DMRTC1: variants seen among roughly 807,000 people sequenced by gnomAD.
DMRTC1 encodes the protein doublesex- and mab-3-related transcription factor C1.
For missense variants in DMRTC1, 9 were observed against 34.6 expected (o/e 0.26, Z 1.86); for synonymous variants, 7 against 14.1 (o/e 0.50, Z 1.13).
In DMRTC1 at chrX:72,913,066, G is replaced by A. The variant is rs1235354799; in HGVS notation, c.-95+30509C>T. The stretch of plus-strand genomic sequence containing the variant: ...GGTCTTGGAGGAGCCGGTTCCAGAG[G>A]GCCCTGGCATGTTTCATCAAGTGCT... On this transcript the variant is annotated intron_variant, in intron 1 of 6. Transcript: ENST00000615063. 7 of 489,810 alleles carry A rather than the reference G, an allele frequency of 1.4e-5. 1 individual carries two copies. Among genetic ancestry groups the A allele is most frequent in the Admixed American group, 1.0e-4 (3 of 30,056 alleles). The allele number at this position is 489,810 out of a possible 1,213,427, so 40.4% of individuals were successfully genotyped here. A position where few individuals can be genotyped will look rare whatever the true frequency, so the allele number is the denominator to read the frequency against.
chrX:72,913,524 T>C (rs1174309300), intron 1 of DMRTC1: 5 of 404,281 alleles, frequency 1.2e-5, no homozygotes, highest in South Asian at 3.7e-5. Flanking sequence ...TTAGGCTGTC[T>C]GCCCTCCTCG....
At chrX:72,879,573 T>C in intron 1 of DMRTC1, among the ~76,000 whole-genome samples, 1 of 77,598 alleles carries the variant, frequency 1.3e-5, no homozygotes, top group Non-Finnish European at 2.4e-5. Context: ...TCACTGAATC[T>C]ATGGATCAGT....
rs2055066774 is a variant in DMRTC1, at chrX:72,943,790, GAGGAGGAGGAGGAGC to G, written c.-325_-311del. The G allele has an allele frequency of 6.7e-4, 1 of 1,486 alleles. No homozygotes were observed. The highest frequency in any genetic ancestry group is 0.014 in the African/African-American group (1 of 70). The allele number at this position is 1,486 out of a possible 1,213,427, so 0.1% of individuals were successfully genotyped here. Reference sequence around the variant, plus strand: ...GGAGGAGAAGGAGGAGGAGGAGGAGGAGGAGGAGGAGGAGCAGGAGGAGGAGGAGCAGGAGGAGGA... The same window carrying G: ...GGAGGAGAAGGAGGAGGAGGAGGAGGAGGAGGAGGAGGAGCAGGAGGAGGA... On this transcript the variant is annotated 5_prime_UTR_variant, in exon 1 of 7. Transcript: ENST00000615063.
At chrX:72,879,356 T>TTTCCCTTCCCTTCCCTTCCCTTCCC (rs202023303) in intron 1 of DMRTC1, among the ~76,000 whole-genome samples, 11 of 16,578 alleles carry the variant, frequency 6.6e-4, no homozygotes, top group African/African-American at 2.2e-3. Context: ...TTTGCTTTCC[T>TTTCCCTTCCCTTCCCTTCCCTTCCC]TTCCCTTCCC....
At chrX:72,879,832 C>CCTT (rs2054838554) in intron 1 of DMRTC1, among the ~76,000 whole-genome samples, 1 of 46,273 alleles carries the variant, frequency 2.2e-5, no homozygotes, top group Non-Finnish European at 3.9e-5. Context: ...CTCCCTCCCA[C>CCTT]CCTTCCTTCC....
intron 1 of DMRTC1, among the ~76,000 whole-genome samples, chrX:72,881,891 C>T (rs1366158571): frequency 8.9e-6 from 1 of 112,980 alleles, no homozygotes; most frequent in Non-Finnish European, 1.9e-5. Flanking sequence ...CTGGAGGCTC[C>T]TAACGCCAGT....
At chrX:72,882,158 T>C (rs2147887990) in intron 1 of DMRTC1, among the ~76,000 whole-genome samples, 1 of 79,185 alleles carries the variant, frequency 1.3e-5, no homozygotes, top group East Asian at 4.4e-4. Context: ...TCTCTAATTC[T>C]ATAATTCATT....
chrX:72,872,234 T>C lies in DMRTC1; in HGVS notation c.*218A>G. On this transcript the variant is annotated 3_prime_UTR_variant, in exon 7 of 7. Coordinates refer to ENST00000615063, the MANE Select transcript of DMRTC1 (RefSeq NM_033053.3). ...CTTAGATTGCACAATCCTGTCTTTATGAGACAGAAAAAGGCCCCAGCATCC... is the reference window on the plus strand; with the variant it reads ...CTTAGATTGCACAATCCTGTCTTTACGAGACAGAAAAAGGCCCCAGCATCC... 4.4e-6 allele frequency: 1 copy of C among 227,375 alleles called. No homozygotes were observed. The allele number at this position is 227,375 out of a possible 1,213,427, so 18.7% of individuals were successfully genotyped here. A position where few individuals can be genotyped will look rare whatever the true frequency, so the allele number is the denominator to read the frequency against.
In DMRTC1 at chrX:72,880,655, T is replaced by TGC. The variant is rs781803434; in HGVS notation, c.-94-4868_-94-4867insGC. On this transcript the variant is annotated intron_variant, in intron 1 of 6. Transcript: ENST00000615063. ...TGCTTTGCTTTGCTTTGCTTTGCTT[T>TGC]TTCTCTTTGCTTTGCTTTGCTTTTT... Among the ~76,000 whole-genome samples the TGC allele has an allele frequency of 3.2e-3, 44 of 13,947 alleles. No individual in the cohort carries two copies. In the East Asian group the frequency reaches 0.1, roughly 33 times the overall value. The allele number at this position is 13,947 out of a possible 115,157, so 12.1% of individuals were successfully genotyped here. A position where few individuals can be genotyped will look rare whatever the true frequency, so the allele number is the denominator to read the frequency against.
At chrX:72,874,730 C>T in intron 4 of DMRTC1, 95 bp downstream of exon 4, 2 of 205,597 alleles carry the variant, frequency 9.7e-6, no homozygotes, top group South Asian at 1.1e-4. Flanking sequence ...ACCTCCTCCT[C>T]CTCCTCCCCC....
intron 1 of DMRTC1, among the ~76,000 whole-genome samples, chrX:72,886,809 T>C (rs1207501741): frequency 1.7e-5 from 1 of 58,451 alleles, no homozygotes; most frequent in South Asian, 1.5e-3. Flanking sequence ...GCATTGAATC[T>C]GTAGATTGTT....
intron 6 of DMRTC1, 142 bp from the exon 7 acceptor site, chrX:72,872,706 C>T (rs1790130726): frequency 2.3e-6 from 1 of 441,553 alleles, no homozygotes; most frequent in Non-Finnish European, 4.0e-6. Flanking sequence ...TCCCCATCTC[C>T]CATCTTGCCT....
intron 1 of DMRTC1, among the ~76,000 whole-genome samples, chrX:72,879,808 C>T (rs1188634805): frequency 1.1e-5 from 1 of 90,225 alleles, no homozygotes; most frequent in East Asian, 3.3e-4. Context: ...CTTCCTTCCT[C>T]CCTCCCTCCT....
At chrX:72,879,357 T>TTCCCTTCCCG in intron 1 of DMRTC1, among the ~76,000 whole-genome samples, 1 of 520 alleles carries the variant, frequency 1.9e-3, no homozygotes, top group Non-Finnish European at 3.5e-3. Flanking sequence ...TTGCTTTCCT[T>TTCCCTTCCCG]TCCCTTCCCT....
intron 1 of DMRTC1, among the ~76,000 whole-genome samples, chrX:72,915,897 C>A (rs1394333867): frequency 1.2e-5 from 1 of 86,834 alleles, no homozygotes; most frequent in African/African-American, 5.1e-5. Context: ...CCTCACAATC[C>A]CCGTGCCTGA....
intron 1 of DMRTC1, among the ~76,000 whole-genome samples, chrX:72,916,576 G>A (rs1369596903): frequency 2.5e-5 from 2 of 80,192 alleles, no homozygotes; most frequent in East Asian, 5.1e-4. Flanking sequence ...ATGATGGTGC[G>A]ACGTAATGGG....
intron 1 of DMRTC1, among the ~76,000 whole-genome samples, chrX:72,939,705 T>TG (rs1487915316): frequency 0.014 from 1,244 of 86,055 alleles, 1 homozygote; most frequent in African/African-American, 0.052. Flanking sequence ...AATGAGGAGC[T>TG]GAGTCCCACG....
Position 72,916,386 on chromosome X carries a change from A to G in DMRTC1, c.-95+27189T>C, listed in dbSNP as rs1474866975. On this transcript the variant is annotated intron_variant, in intron 1 of 6. Coordinates refer to ENST00000615063, the MANE Select transcript of DMRTC1 (RefSeq NM_033053.3). ...ATCTAGGGGGTCCTATTGAACTGTG[A>G]GTTACAGCCCATGCTCTTGGTGATG... is the stretch of plus-strand genomic sequence containing the variant. Among the ~76,000 whole-genome samples the G allele has an allele frequency of 3.7e-5, 4 of 107,844 alleles. 1 individual carries two copies. Among genetic ancestry groups the G allele is most frequent in the African/African-American group, 1.5e-4 (4 of 26,279 alleles). The allele number at this position is 107,844 out of a possible 115,157, so 93.6% of individuals were successfully genotyped here. A position where few individuals can be genotyped will look rare whatever the true frequency, so the allele number is the denominator to read the frequency against.
At chrX:72,913,320 C>A in intron 1 of DMRTC1, 1 of 654,910 alleles carries the variant, frequency 1.5e-6, no homozygotes, top group Non-Finnish European at 2.4e-6. Flanking sequence ...GGTGACCGAG[C>A]CCCCTCTGAT....
Sources: gnomAD v4.1 joint callset for allele counts (sites outside exome capture counted in the v4.1 genomes callset) on GRCh38, gnomAD v4.1.1 for gene constraint, MANE v1.5 for transcripts, NCBI Gene and HGNC (gene_info 2026-07-23, HGNC 2026-07-21) for gene names.